RPS6KC1: variants seen among roughly 807,000 people sequenced by gnomAD.
The protein encoded by RPS6KC1 is inactive ribosomal protein S6 kinase delta-1.
A neutral mutation model predicts 103.8 loss-of-function variants in RPS6KC1; 54 were observed. That is an observed-to-expected ratio of 0.52 (90% confidence interval 0.42 to 0.65). The LOEUF (loss-of-function observed/expected upper bound fraction) is 0.65, where lower values mean the gene tolerates loss of function less well. Among genes scored for constraint, RPS6KC1 ranks in the 30% least tolerant of loss-of-function variants. RPS6KC1 has a pLI of 0.00. For missense variants in RPS6KC1, 1,151 were observed against 1,253.8 expected (o/e 0.92, Z 1.24); for synonymous variants, 439 against 438.7 (o/e 1.00, Z -0.01).
At chr1:213,224,318 G>T (rs2093909300) in intron 8 of RPS6KC1, among the ~76,000 whole-genome samples, 1 of 152,178 alleles carries the variant, frequency 6.6e-6, no homozygotes, top group South Asian at 2.1e-4. Context: ...GAAACTTGTG[G>T]AATTGAAGAA....
chr1:213,861,267 G>C, the RPS6KC1 span, among the ~76,000 whole-genome samples: 1 of 152,102 alleles, frequency 6.6e-6, no homozygotes, highest in African/African-American at 2.4e-5. Context: ...CCCAAAACAG[G>C]AGTGGTTCAA....
chr1:213,674,942 A>T, the RPS6KC1 span, among the ~76,000 whole-genome samples: 1 of 152,068 alleles, frequency 6.6e-6, no homozygotes, highest in Admixed American at 6.6e-5. Flanking sequence ...TCTTCTTTTG[A>T]GAAGTGTCTG....
the RPS6KC1 span, among the ~76,000 whole-genome samples, chr1:213,789,595 G>A: frequency 6.6e-6 from 1 of 152,120 alleles, no homozygotes; most frequent in Non-Finnish European, 1.5e-5. Flanking sequence ...TGTTTACAAA[G>A]TCACACAAGC....
At chr1:213,785,436 C>A in the RPS6KC1 span, among the ~76,000 whole-genome samples, 22 of 150,962 alleles carry the variant, frequency 1.5e-4, no homozygotes, top group African/African-American at 1.7e-4. Context: ...TAAAAAAAAA[C>A]CCAGAAAATA....
the RPS6KC1 span, among the ~76,000 whole-genome samples, chr1:213,594,399 G>A: frequency 6.6e-6 from 1 of 152,058 alleles, no homozygotes; most frequent in African/African-American, 2.4e-5. Context: ...GGTAAAATAA[G>A]ATACATTATT....
chr1:213,331,510 G>A, the RPS6KC1 span, among the ~76,000 whole-genome samples: 15 of 152,228 alleles, frequency 9.9e-5, no homozygotes, highest in African/African-American at 3.6e-4. Context: ...AGAGACACAG[G>A]GATGAAGGAG....
the RPS6KC1 span, among the ~76,000 whole-genome samples, chr1:213,852,770 C>T: frequency 6.6e-6 from 1 of 152,200 alleles, no homozygotes; most frequent in African/African-American, 2.4e-5. Context: ...ACAGGTAACA[C>T]AGCAAATACC....
At chr1:213,100,859 A>G (rs1318994978) in intron 3 of RPS6KC1, among the ~76,000 whole-genome samples, 2 of 151,690 alleles carry the variant, frequency 1.3e-5, no homozygotes, top group East Asian at 3.9e-4. Flanking sequence ...GGTTGATTCC[A>G]TGTCTTTACT....
chr1:213,076,677 A>G (rs1467596303), intron 2 of RPS6KC1, among the ~76,000 whole-genome samples: 2 of 152,128 alleles, frequency 1.3e-5, no homozygotes, highest in Non-Finnish European at 2.9e-5. Flanking sequence ...AATGAAGGAA[A>G]ACACACTTTT....
At chr1:213,755,229 G>A in the RPS6KC1 span, among the ~76,000 whole-genome samples, 2 of 152,088 alleles carry the variant, frequency 1.3e-5, no homozygotes, top group African/African-American at 4.8e-5. Flanking sequence ...AAGTAATCAC[G>A]GTTTTTGTCA....
the RPS6KC1 span, among the ~76,000 whole-genome samples, chr1:213,617,645 T>C: frequency 6.6e-6 from 1 of 152,216 alleles, no homozygotes; most frequent in African/African-American, 2.4e-5. Context: ...AAAATGCACA[T>C]GCTCTTGTGA....
the RPS6KC1 span, among the ~76,000 whole-genome samples, chr1:213,396,742 C>T: frequency 5.9e-5 from 9 of 152,152 alleles, no homozygotes; most frequent in African/African-American, 1.9e-4. Flanking sequence ...GTTCCATACG[C>T]GTTTGTGGCG....
At chr1:213,336,561 G>A in the RPS6KC1 span, among the ~76,000 whole-genome samples, 2 of 152,252 alleles carry the variant, frequency 1.3e-5, no homozygotes, top group East Asian at 3.9e-4. Flanking sequence ...GGGAAATAAC[G>A]ATACCTAACA....
chr1:213,549,612 C>CTTTTTTTTTTTTTTTTTTTTTT, the RPS6KC1 span, among the ~76,000 whole-genome samples: 2 of 86,914 alleles, frequency 2.3e-5, no homozygotes, highest in Non-Finnish European at 4.3e-5. Flanking sequence ...TTTTCTTTTC[C>CTTTTTTTTTTTTTTTTTTTTTT]TTTTTTTTTT....
the RPS6KC1 span, among the ~76,000 whole-genome samples, chr1:213,480,025 G>T: frequency 4.0e-4 from 60 of 151,878 alleles, no homozygotes; most frequent in Admixed American, 1.4e-3. Context: ...ATTTTATAAA[G>T]AATTTTGATT....
the RPS6KC1 span, among the ~76,000 whole-genome samples, chr1:213,535,058 A>T: frequency 1.3e-5 from 2 of 152,122 alleles, no homozygotes; most frequent in African/African-American, 4.8e-5. Flanking sequence ...CATCAGGGGG[A>T]TTTGTGCATT....
intron 3 of RPS6KC1, among the ~76,000 whole-genome samples, chr1:213,080,675 C>T (rs1012128517): frequency 6.6e-6 from 1 of 152,150 alleles, no homozygotes; most frequent in African/African-American, 2.4e-5. Flanking sequence ...AGCGATCCTC[C>T]CACCTCAGCC....
At chr1:213,757,861 T>C in the RPS6KC1 span, among the ~76,000 whole-genome samples, 1 of 152,194 alleles carries the variant, frequency 6.6e-6, no homozygotes, top group Non-Finnish European at 1.5e-5. Context: ...TTGACCATTC[T>C]GAAAATCATA....
At chr1:213,815,750 T>C in the RPS6KC1 span, among the ~76,000 whole-genome samples, 1 of 152,238 alleles carries the variant, frequency 6.6e-6, no homozygotes, top group Non-Finnish European at 1.5e-5. Flanking sequence ...TTTCTTATCA[T>C]TCCTGTGTTC....
Sources: allele counts gnomAD v4.1 joint callset (sites outside exome capture counted in the v4.1 genomes callset), GRCh38; gene constraint gnomAD v4.1.1; transcripts MANE v1.5; gene names NCBI Gene and HGNC (gene_info 2026-07-23, HGNC 2026-07-21).